The following HUNK variants were observed in gnomAD, a reference collection of about 807,000 sequenced individuals.
HUNK encodes the protein hormonally up-regulated neu tumor-associated kinase.
In HUNK, 21 loss-of-function variants were observed where a neutral mutation model predicts 61.0. The observed-to-expected ratio is 0.34, with a 90% CI of 0.24 to 0.50. The LOEUF (loss-of-function observed/expected upper bound fraction) is 0.50, where lower values mean the gene tolerates loss of function less well. Among genes scored for constraint, HUNK ranks in the 20% least tolerant of loss-of-function variants. HUNK has a pLI of 0.98. For missense variants in HUNK, 772 were observed against 945.7 expected (o/e 0.82, Z 2.41); for synonymous variants, 371 against 386.1 (o/e 0.96, Z 0.46).
intron 6 of HUNK, 40 bp from the exon 7 acceptor site, chr21:31,974,515 A>G (rs369480730): frequency 1.0e-5 from 16 of 1,566,086 alleles, no homozygotes; most frequent in Middle Eastern, 1.9e-4. Context: ...CTCTCCGTGA[A>G]GTGCAGGGGT....
At chr21:31,960,248 C>T (rs2052917818) in intron 5 of HUNK, among the ~76,000 whole-genome samples, 1 of 152,074 alleles carries the variant, frequency 6.6e-6, no homozygotes, top group South Asian at 2.1e-4. Flanking sequence ...AGTCTCTACC[C>T]TTATAAAGCT....
intron 6 of HUNK, among the ~76,000 whole-genome samples, chr21:31,968,753 TGAGAGA>T (rs113502322): frequency 2.6e-5 from 3 of 115,548 alleles, no homozygotes; most frequent in African/African-American, 9.1e-5. Flanking sequence ...TGTGTGTGTG[TGAGAGA>T]GAGAGAGTGA....
chr21:31,880,738 A>G (rs2052300634), intron 1 of HUNK, among the ~76,000 whole-genome samples: 1 of 152,206 alleles, frequency 6.6e-6, no homozygotes, highest in African/African-American at 2.4e-5. Context: ...TTGGGGGAGC[A>G]TAGTTCAAGC....
At chr21:31,946,259 C>A in intron 4 of HUNK, 88 bp downstream of exon 4, 1 of 1,343,982 alleles carries the variant, frequency 7.4e-7, no homozygotes, top group Non-Finnish European at 1.0e-6. Flanking sequence ...TATTGGATGG[C>A]ATGTATAGGT....
chr21:31,963,962 G>A (rs2123845228), intron 5 of HUNK, among the ~76,000 whole-genome samples: 1 of 152,258 alleles, frequency 6.6e-6, no homozygotes, highest in East Asian at 1.9e-4. Flanking sequence ...CTGTCATGCC[G>A]TTTGCAAACT....
chr21:31,979,718 T>C (rs1327078327), intron 7 of HUNK, among the ~76,000 whole-genome samples: 1 of 151,664 alleles, frequency 6.6e-6, no homozygotes, highest in Non-Finnish European at 1.5e-5. Context: ...GGTTTCACCG[T>C]GTTAGCCAGG....
At position 31,920,889 on chromosome 21, in the gene HUNK, T is replaced by C. The variant is rs576964582; in HGVS notation, c.262-3579T>C. On this transcript the variant is annotated intron_variant, in intron 1 of 10. Transcript: ENST00000270112. The stretch of plus-strand genomic sequence containing the variant: ...ACTCTGGGCTGGGCACGGTGGCTCA[T>C]TCCTATAATCCCCGCACTTGGGGAG... Among the ~76,000 whole-genome samples the C allele has an allele frequency of 2.6e-5, 4 of 152,276 alleles. No individual in the cohort carries two copies. In the South Asian group the frequency reaches 8.3e-4, roughly 32 times the overall value.
chr21:31,902,229 G>A (rs933790168), intron 1 of HUNK, among the ~76,000 whole-genome samples: 14 of 152,118 alleles, frequency 9.2e-5, no homozygotes, highest in South Asian at 2.1e-4. Context: ...AGTTGGCCAC[G>A]GCCGGGCGCG....
chr21:31,983,462 A>T, intron 7 of HUNK, 64 bp from the exon 8 acceptor site: 1 of 1,289,598 alleles, frequency 7.8e-7, no homozygotes, highest in South Asian at 1.2e-5. Flanking sequence ...AAAATTAATG[A>T]CTGCTTAATG....
At chr21:31,982,398 G>C (rs1173962555) in intron 7 of HUNK, among the ~76,000 whole-genome samples, 1 of 152,154 alleles carries the variant, frequency 6.6e-6, no homozygotes, top group Non-Finnish European at 1.5e-5. Context: ...TAATTGTACT[G>C]TATGCATTGT....
At chr21:31,883,584 C>A (rs998120631) in intron 1 of HUNK, among the ~76,000 whole-genome samples, 1 of 152,062 alleles carries the variant, frequency 6.6e-6, no homozygotes, top group Non-Finnish European at 1.5e-5. Flanking sequence ...ATTATTCTTT[C>A]TCTTTTTCTT....
intron 10 of HUNK, among the ~76,000 whole-genome samples, chr21:31,997,371 G>A (rs1018125308): frequency 5.3e-5 from 8 of 152,202 alleles, no homozygotes; most frequent in Middle Eastern, 3.2e-3. Flanking sequence ...AATTGGATGA[G>A]GTTCCATCCA....
At chr21:31,962,141 C>A (rs1408098042) in intron 5 of HUNK, among the ~76,000 whole-genome samples, 1 of 152,216 alleles carries the variant, frequency 6.6e-6, no homozygotes, top group Non-Finnish European at 1.5e-5. Flanking sequence ...CACCAATCTT[C>A]CAGTTGTAAG....
chr21:31,947,890 G>A (rs749693347), intron 4 of HUNK, among the ~76,000 whole-genome samples: 10 of 151,902 alleles, frequency 6.6e-5, no homozygotes, highest in Non-Finnish European at 1.3e-4. Flanking sequence ...GTGTTGATCC[G>A]GAGTATTTCT....
intron 5 of HUNK, among the ~76,000 whole-genome samples, chr21:31,961,702 C>G (rs2052930076): frequency 6.6e-6 from 1 of 152,178 alleles, no homozygotes; most frequent in South Asian, 2.1e-4. Flanking sequence ...ATTGCCATCT[C>G]TCAGAGTGAT....
chr21:31,927,079 C>T (rs918192333), intron 2 of HUNK, among the ~76,000 whole-genome samples: 3 of 151,334 alleles, frequency 2.0e-5, no homozygotes, highest in Non-Finnish European at 4.4e-5. Context: ...CTCACTCTGT[C>T]GCCCAGACTG....
At chr21:31,888,311 C>T (rs2052362145) in intron 1 of HUNK, among the ~76,000 whole-genome samples, 1 of 152,180 alleles carries the variant, frequency 6.6e-6, no homozygotes. Context: ...CTGGGCGTTA[C>T]TGGGATGCTT....
At chr21:31,962,560 G>C (rs2052936135) in intron 5 of HUNK, among the ~76,000 whole-genome samples, 1 of 152,190 alleles carries the variant, frequency 6.6e-6, no homozygotes. Context: ...GTCCAACCTC[G>C]CATAGCTCCT....
intron 1 of HUNK, among the ~76,000 whole-genome samples, chr21:31,875,838 T>C (rs188798863): frequency 6.6e-6 from 1 of 152,368 alleles, no homozygotes; most frequent in East Asian, 1.9e-4. Context: ...CCTGCCCTGG[T>C]GCACAGACTT....
Sources: allele counts gnomAD v4.1 joint callset (sites outside exome capture counted in the v4.1 genomes callset), GRCh38; gene constraint gnomAD v4.1.1; transcripts MANE v1.5; gene names NCBI Gene and HGNC (gene_info 2026-07-23, HGNC 2026-07-21).